DCAF8L2: variants seen among roughly 807,000 people sequenced by gnomAD.
DCAF8L2 encodes DDB1- and CUL4-associated factor 8-like protein 2.
For synonymous variants in DCAF8L2, 200 were observed against 190.9 expected (o/e 1.05, Z -0.39); for missense variants, 430 against 490.7 (o/e 0.88, Z 1.17).
At chrX:27,675,699 T>C (rs933271788) in intron 2 of DCAF8L2, among the ~76,000 whole-genome samples, 20 of 112,059 alleles carry the variant, frequency 1.8e-4, no homozygotes, top group African/African-American at 6.2e-4. Context: ...CCAAAGAGTC[T>C]TGCTTCACCA....
Position 27,746,992 on chromosome X carries a change from A to G in DCAF8L2, c.97A>G (p.Thr33Ala), listed in dbSNP as rs1922209182. ...GGAGCAGTCTGGAGCCGTGGCGGCGACAGAGGCCTCCTCAGACATTGACAT... is the reference window on the plus strand; with the variant it reads ...GGAGCAGTCTGGAGCCGTGGCGGCGGCAGAGGCCTCCTCAGACATTGACAT... ...PEEQSGAVAA[T>A]EASSDIDIAT... Residue 33 changes from threonine (T) to alanine (A), a missense_variant, in exon 5 of 5, where the codon ACA (threonine) becomes GCA (alanine). Thr to Ala is a moderately conservative substitution (Grantham distance 58, BLOSUM62 0). Coordinates refer to ENST00000451261, the MANE Select transcript of DCAF8L2 (RefSeq NM_001353450.2). 2 of 1,193,446 alleles carry G rather than the reference A, an allele frequency of 1.7e-6. No individual in the cohort carries two copies. The highest frequency in any genetic ancestry group is 6.0e-5 in the East Asian group (2 of 33,210).
rs181441804 is a variant in DCAF8L2 at position 27,609,745 on chromosome X, C to T, written c.-342+19305C>T. On this transcript the variant is annotated intron_variant, in intron 1 of 4. Transcript: ENST00000451261. ...AATAAGAAACCAAAATACTGTTTTCCAGTAGAGAACAACTGTTTCTAGCTT... is the reference window on the plus strand; with the variant it reads ...AATAAGAAACCAAAATACTGTTTTCTAGTAGAGAACAACTGTTTCTAGCTT... Among the ~76,000 whole-genome samples the T allele has an allele frequency of 3.7e-3, 415 of 111,295 alleles. 1 individual carries two copies. The highest frequency in any genetic ancestry group is 0.012 in the African/African-American group (375 of 30,616).
At chrX:27,704,061 G>A (rs199535437) in intron 3 of DCAF8L2, among the ~76,000 whole-genome samples, 7 of 99,147 alleles carry the variant, frequency 7.1e-5, no homozygotes, top group Non-Finnish European at 1.4e-4. Context: ...CATTGTGTGT[G>A]TATATATATA....
At chrX:27,714,784 G>A (rs1366634630) in intron 3 of DCAF8L2, among the ~76,000 whole-genome samples, 1 of 112,002 alleles carries the variant, frequency 8.9e-6, no homozygotes, top group African/African-American at 3.2e-5. Context: ...TGAAGTAATT[G>A]CAAATGTCAG....
Position 27,708,359 on chromosome X carries a change from G to A in DCAF8L2, c.-142-7729G>A, listed in dbSNP as rs757639575. ...TCTTAATGGCTGCATAGTATTCTAT[G>A]GTGTATATATACCACGTTGTCTTTA... is the stretch of plus-strand genomic sequence containing the variant. On this transcript the variant is annotated intron_variant, in intron 3 of 4. Transcript: ENST00000451261. Among the ~76,000 whole-genome samples the A allele has an allele frequency of 5.4e-5, 6 of 111,429 alleles. No homozygotes were observed. The East Asian group carries it at 1.4e-3, about 26-fold the overall frequency.
At chrX:27,503,595 T>C in the DCAF8L2 span, among the ~76,000 whole-genome samples, 1 of 111,226 alleles carries the variant, frequency 9.0e-6, no homozygotes, top group South Asian at 3.7e-4. Context: ...AAAAAATCAA[T>C]TGGACATATT....
intron 1 of DCAF8L2, among the ~76,000 whole-genome samples, chrX:27,605,848 C>A (rs947881817): frequency 1.8e-5 from 2 of 111,448 alleles, no homozygotes; most frequent in African/African-American, 6.5e-5. Context: ...CAAGAGGAGA[C>A]TGAAGTACAG....
chrX:27,497,355 A>G, the DCAF8L2 span, among the ~76,000 whole-genome samples: 1 of 111,351 alleles, frequency 9.0e-6, no homozygotes, highest in African/African-American at 3.3e-5. Flanking sequence ...TAAGTGTGTT[A>G]GTTGAGTAGT....
the DCAF8L2 span, among the ~76,000 whole-genome samples, chrX:27,569,546 C>T: frequency 3.6e-5 from 4 of 112,133 alleles, no homozygotes; most frequent in African/African-American, 9.7e-5. Flanking sequence ...AAGATCCATA[C>T]ACTTTCTTGT....
the DCAF8L2 span, among the ~76,000 whole-genome samples, chrX:27,508,835 C>T: frequency 9.2e-6 from 1 of 108,653 alleles, no homozygotes; most frequent in East Asian, 2.9e-4. Flanking sequence ...TTTTCTGGTG[C>T]AGTTGCATCT....
At chrX:27,587,650 A>C (rs1164830947), upstream of DCAF8L2, among the ~76,000 whole-genome samples, 2 of 111,655 alleles carry the variant, frequency 1.8e-5, no homozygotes, top group African/African-American at 3.3e-5. Flanking sequence ...AAATTGAACT[A>C]ATATATGAAG....
intron 1 of DCAF8L2, among the ~76,000 whole-genome samples, chrX:27,617,986 A>T (rs183938768): frequency 8.9e-6 from 1 of 112,142 alleles, no homozygotes; most frequent in East Asian, 2.8e-4. Context: ...ATTCTATGTT[A>T]TCATATCATA....
In DCAF8L2 at chrX:27,590,452, A is replaced by G. The variant is rs1258943530; in HGVS notation, c.-342+12A>G. 9.0e-6 allele frequency: 1 copy of G among 111,678 alleles called. No homozygotes were observed. Among genetic ancestry groups the G allele is most frequent in the African/African-American group, 3.3e-5 (1 of 30,682 alleles). 9.2% of individuals were successfully genotyped at this position (111,678 alleles called of 1,213,427 possible). ...GACTCGAGTCTATGGTATGTAATCA[A>G]TATTTTGATTTCAACAATGATTTTG... On this transcript the variant is annotated intron_variant, in intron 1 of 4. Coordinates refer to ENST00000451261, the MANE Select transcript of DCAF8L2 (RefSeq NM_001353450.2).
intron 4 of DCAF8L2, among the ~76,000 whole-genome samples, chrX:27,726,845 G>A (rs1932085627): frequency 9.0e-6 from 1 of 111,657 alleles, no homozygotes; most frequent in African/African-American, 3.2e-5. Flanking sequence ...TCCAAGTTGA[G>A]GATATCATGA....
intron 4 of DCAF8L2, among the ~76,000 whole-genome samples, chrX:27,730,252 TATTATTTATTTGTTTGTTTGC>T (rs763185208): frequency 2.1e-3 from 230 of 111,841 alleles, no homozygotes; most frequent in African/African-American, 7.2e-3. Context: ...AAATCACATA[TATTATTTATTTGTTTGTTTGC>T]TTGCTTATTT....
upstream of DCAF8L2, among the ~76,000 whole-genome samples, chrX:27,588,499 G>C (rs1397310152): frequency 9.0e-6 from 1 of 111,422 alleles, no homozygotes; most frequent in Non-Finnish European, 1.9e-5. Context: ...TATGTACCCA[G>C]TAATGAGATT....
At chrX:27,635,435 A>G (rs767910489) in intron 2 of DCAF8L2, among the ~76,000 whole-genome samples, 1 of 111,863 alleles carries the variant, frequency 8.9e-6, no homozygotes, top group East Asian at 2.8e-4. Flanking sequence ...GTAATCATGC[A>G]TCAGTCCCAG....
At chrX:27,515,961 A>G in the DCAF8L2 span, among the ~76,000 whole-genome samples, 76 of 112,283 alleles carry the variant, frequency 6.8e-4, 1 homozygote, top group South Asian at 0.026. Flanking sequence ...ATTAAATGCA[A>G]CCTTTCTTTT....
At chrX:27,553,816 A>T in the DCAF8L2 span, among the ~76,000 whole-genome samples, 1 of 109,786 alleles carries the variant, frequency 9.1e-6, no homozygotes, top group South Asian at 3.8e-4. Context: ...ATTGAATTCC[A>T]TGCTATTTAT....
Sources: gnomAD v4.1 joint callset for allele counts (sites outside exome capture counted in the v4.1 genomes callset) on GRCh38, gnomAD v4.1.1 for gene constraint, MANE v1.5 for transcripts, NCBI Gene and HGNC (gene_info 2026-07-23, HGNC 2026-07-21) for gene names.